Variants in UBE3A observed in about 807,000 individuals in gnomAD.
UBE3A encodes the protein ubiquitin protein ligase E3A, also known as ubiquitin-protein ligase E3A.
Under a neutral mutation model 83.4 loss-of-function variants are expected in UBE3A, and 6 were observed. That is an observed-to-expected ratio of 0.07 (90% CI 0.04 to 0.14). The LOEUF is 0.14. Among genes scored for constraint, UBE3A ranks in the 10% least tolerant of loss-of-function variants. The probability of loss-of-function intolerance (pLI) is 1.00; values close to 1 mark genes in which losing one functional copy is unlikely to be tolerated. For synonymous variants in UBE3A, 337 were observed against 355.4 expected, an observed-to-expected ratio of 0.95 and a Z score of 0.58; for missense variants, 456 against 1,036.1, an observed-to-expected ratio of 0.44 and a Z score of 7.69.
At chr15:25,398,417 A>T (rs2086112938) in intron 4 of UBE3A, among the ~76,000 whole-genome samples, 1 of 151,988 alleles carries the variant, frequency 6.6e-6, no homozygotes, top group East Asian at 1.9e-4. Context: ...AATTCCTCTT[A>T]ATTGAAATTT....
At chr15:25,339,372 CTA>C in intron 12 of UBE3A, 115 bp from the exon 13 acceptor site, 1 of 1,316,478 alleles carries the variant, frequency 7.6e-7, no homozygotes, top group South Asian at 1.4e-5. Context: ...GCAATGCAAA[CTA>C]TACATTAATG....
chr15:25,376,847 T>C (rs2081313203), intron 4 of UBE3A, among the ~76,000 whole-genome samples: 1 of 129,100 alleles, frequency 7.7e-6, no homozygotes, highest in Admixed American at 7.9e-5. Flanking sequence ...TATGGCTGTT[T>C]CAGGAGAGCT....
chr15:25,429,963 C>T (rs1030638898), intron 1 of UBE3A, among the ~76,000 whole-genome samples: 1 of 140,356 alleles, frequency 7.1e-6, no homozygotes, highest in Non-Finnish European at 1.5e-5. Flanking sequence ...TAAGACTGCA[C>T]CATTGCACAC....
chr15:25,360,699 TTAAAGA>T (rs1475836202), intron 6 of UBE3A, among the ~76,000 whole-genome samples, 172 bp from the exon 7 acceptor site: 1 of 152,198 alleles, frequency 6.6e-6, no homozygotes, highest in African/African-American at 2.4e-5. Flanking sequence ...AGATTCAGTC[TTAAAGA>T]TAATCAAAAA....
intron 1 of UBE3A, among the ~76,000 whole-genome samples, chr15:25,435,804 G>C (rs1894889662): frequency 6.6e-6 from 1 of 152,054 alleles, no homozygotes; most frequent in Non-Finnish European, 1.5e-5. Flanking sequence ...GTAAACACTA[G>C]GAATTCCTGG....
intron 7 of UBE3A, among the ~76,000 whole-genome samples, chr15:25,357,903 T>C (rs371221948): frequency 1.4e-3 from 81 of 58,204 alleles, no homozygotes; most frequent in African/African-American, 0.011. Flanking sequence ...TCATGGAGGC[T>C]TTTTTTTTTT....
chr15:25,342,888 C>T (rs1049256175), intron 11 of UBE3A, among the ~76,000 whole-genome samples: 9 of 152,038 alleles, frequency 5.9e-5, no homozygotes, highest in Admixed American at 3.3e-4. Context: ...GGAAGGACTA[C>T]AGAAAAGTAC....
rs543255063 is a variant in UBE3A at position 25,424,700 on chromosome 15, T to C, written c.-164-12729A>G. 3.3e-5 allele frequency among the ~76,000 whole-genome samples: 5 copies of C among 152,322 alleles called. No homozygotes were observed. The East Asian group carries it at 9.6e-4, about 29-fold the overall frequency. On this transcript the variant is annotated intron_variant, in intron 1 of 12. Transcript: ENST00000648336. ...AAAAAATTATATGAAACACAAGTTT[T>C]AGTACACAAAAATCTATGCACAAGG...
chr15:25,335,023 A>C lies in UBE3A; in HGVS notation c.*4114T>G, dbSNP rs2073893306. 2 of 151,986 alleles carry C rather than the reference A, an allele frequency of 1.3e-5. No individual in the cohort carries two copies. The allele number at this position is 151,986 out of a possible 1,614,324, so 9.4% of individuals were successfully genotyped here. A position where few individuals can be genotyped will look rare whatever the true frequency, so the allele number is the denominator to read the frequency against. On this transcript the variant is annotated 3_prime_UTR_variant, in exon 13 of 13. Coordinates refer to ENST00000648336, the MANE Select transcript of UBE3A (RefSeq NM_130839.5). ...TTTTTTAAAAATGACAGTCTCTATCATGAATTTACTTACACTCCAGGCAAA... is the reference window on the plus strand; with the variant it reads ...TTTTTTAAAAATGACAGTCTCTATCCTGAATTTACTTACACTCCAGGCAAA...
At chr15:25,378,439 G>A (rs1263608040) in intron 4 of UBE3A, among the ~76,000 whole-genome samples, 3 of 152,106 alleles carry the variant, frequency 2.0e-5, no homozygotes, top group South Asian at 2.1e-4. Context: ...TATGTAATAG[G>A]GAGGTGAGCA....
At chr15:25,350,571 C>T (rs963120979) in intron 11 of UBE3A, among the ~76,000 whole-genome samples, 39 of 151,964 alleles carry the variant, frequency 2.6e-4, no homozygotes, top group Non-Finnish European at 4.7e-4. Flanking sequence ...AAATATGCAC[C>T]TGCTATATGC....
intron 4 of UBE3A, among the ~76,000 whole-genome samples, chr15:25,395,795 T>C (rs1030641662): frequency 6.6e-6 from 1 of 152,242 alleles, no homozygotes; most frequent in Non-Finnish European, 1.5e-5. Context: ...TTATTAAAAC[T>C]AACTTGCTTT....
At position 25,361,645 on chromosome 15, in the gene UBE3A, CAGTACATGGATGGATACTGTATCT is replaced by C. The variant is rs1342371678; in HGVS notation, c.1609-1142_1609-1119del. On this transcript the variant is annotated intron_variant, in intron 6 of 12. Transcript: ENST00000648336. ...AATTTGCTAACAGTATGACTGTATC[CAGTACATGGATGGATACTGTATCT>C]AGTACATGGATGGATACTGTATCCA... is the stretch of plus-strand genomic sequence containing the variant. 1.1e-4 allele frequency among the ~76,000 whole-genome samples: 16 copies of C among 151,962 alleles called. No homozygotes were observed. The South Asian group carries it at 1.9e-3, about 18-fold the overall frequency.
rs1397918351 is a variant in UBE3A, at chr15:25,337,463, C to T, written c.*1674G>A. ...CTTATCACAATATGGAAAGCATTGT[C>T]TTCTTTTTCCACTAAATTAAATTAT... On this transcript the variant is annotated 3_prime_UTR_variant, in exon 13 of 13. Coordinates refer to ENST00000648336, the MANE Select transcript of UBE3A (RefSeq NM_130839.5). The T allele has an allele frequency of 6.6e-6, 1 of 152,070 alleles. No homozygotes were observed. The highest frequency in any genetic ancestry group is 1.5e-5 in the Non-Finnish European group (1 of 67,998). The allele number at this position is 152,070 out of a possible 1,614,324, so 9.4% of individuals were successfully genotyped here. A position where few individuals can be genotyped will look rare whatever the true frequency, so the allele number is the denominator to read the frequency against.
In UBE3A at chr15:25,337,300, A is replaced by ACTT. The variant is rs2152500092; in HGVS notation, c.*1834_*1836dup. On this transcript the variant is annotated 3_prime_UTR_variant, in exon 13 of 13. Transcript: ENST00000648336. ...CCCTCAGAGTATTTAATTTCTCCTC[A>ACTT]CTTTAATTACACATTAAGAAGCACA... is the stretch of plus-strand genomic sequence containing the variant. 1 of 152,234 alleles carries ACTT rather than the reference A, an allele frequency of 6.6e-6. No individual in the cohort carries two copies. Among genetic ancestry groups the ACTT allele is most frequent in the South Asian group, 2.1e-4 (1 of 4,822 alleles). 9.4% of individuals were successfully genotyped at this position (152,234 alleles called of 1,614,324 possible). A position where few individuals can be genotyped will look rare whatever the true frequency, so the allele number is the denominator to read the frequency against.
intron 1 of UBE3A, among the ~76,000 whole-genome samples, chr15:25,434,261 T>G (rs1168488088): frequency 6.6e-6 from 1 of 152,082 alleles, no homozygotes; most frequent in Non-Finnish European, 1.5e-5. Flanking sequence ...AAAGAAACTG[T>G]GTATTAATAA....
rs2074050685 is a variant in UBE3A at position 25,337,607 on chromosome 15, T to G, written c.*1530A>C. The G allele has an allele frequency of 2.0e-5, 3 of 152,114 alleles. No individual in the cohort carries two copies. The South Asian group carries it at 6.2e-4, about 31-fold the overall frequency. 9.4% of individuals were successfully genotyped at this position (152,114 alleles called of 1,614,324 possible). A position where few individuals can be genotyped will look rare whatever the true frequency, so the allele number is the denominator to read the frequency against. ...GACATCCTTTTTCTCCCCCCAATGA[T>G]TTGAAAGCTGCATTTTTCCTGCCAA... On this transcript the variant is annotated 3_prime_UTR_variant, in exon 13 of 13. Transcript: ENST00000648336.
intron 11 of UBE3A, among the ~76,000 whole-genome samples, chr15:25,352,586 G>A (rs1050928972): frequency 5.9e-5 from 9 of 152,200 alleles, no homozygotes; most frequent in African/African-American, 1.9e-4. Context: ...AATGGTGCTG[G>A]TAGACCTGCT....
chr15:25,407,594 TTAA>T (rs1185589238), intron 3 of UBE3A: 1 of 152,750 alleles, frequency 6.5e-6, no homozygotes, highest in Non-Finnish European at 1.5e-5. Context: ...CTGTAACATA[TTAA>T]TTACTACTTT....
Sources: gnomAD v4.1 joint callset for allele counts (sites outside exome capture counted in the v4.1 genomes callset) on GRCh38, gnomAD v4.1.1 for gene constraint, MANE v1.5 for transcripts, NCBI Gene and HGNC (gene_info 2026-07-23, HGNC 2026-07-21) for gene names.